The following CSMD2 variants were observed in gnomAD, a reference collection of about 807,000 sequenced individuals.
The protein encoded by CSMD2 is CUB and sushi domain-containing protein 2.
In CSMD2, 130 loss-of-function variants were observed where a neutral mutation model predicts 398.5. The observed-to-expected ratio is 0.33, with a 90% CI of 0.28 to 0.38. The LOEUF is 0.38. Among genes scored for constraint, CSMD2 ranks in the 10% least tolerant of loss-of-function variants. The pLI is 1.00. For synonymous variants in CSMD2, 1,828 were observed against 1,908.5 expected, an observed-to-expected ratio of 0.96 and a Z score of 1.10; for missense variants, 3,829 against 4,764.9, an observed-to-expected ratio of 0.80 and a Z score of 5.78.
intron 10 of CSMD2, among the ~76,000 whole-genome samples, chr1:33,798,843 G>A (rs981428081): frequency 2.6e-5 from 4 of 152,180 alleles, no homozygotes; most frequent in South Asian, 2.1e-4. Flanking sequence ...CCCTTGCCAC[G>A]TGCTGTCCAG....
At chr1:34,158,415 A>G (rs1006656677) in intron 1 of CSMD2, among the ~76,000 whole-genome samples, 1 of 152,184 alleles carries the variant, frequency 6.6e-6, no homozygotes, top group African/African-American at 2.4e-5. Context: ...CCAAGGAGAT[A>G]AATCCAGGGA....
At chr1:33,760,659 C>A (rs1649709217) in intron 13 of CSMD2, among the ~76,000 whole-genome samples, 1 of 152,158 alleles carries the variant, frequency 6.6e-6, no homozygotes, top group African/African-American at 2.4e-5. Context: ...TTAATAACTT[C>A]TAAATTACAG....
intron 5 of CSMD2, among the ~76,000 whole-genome samples, chr1:33,856,147 C>A (rs1382418440): frequency 6.6e-6 from 1 of 152,216 alleles, no homozygotes; most frequent in Non-Finnish European, 1.5e-5. Context: ...CAAATGTGAA[C>A]TATTTTCCCC....
intron 5 of CSMD2, chr1:33,864,512 C>T: frequency 6.2e-7 from 1 of 1,614,124 alleles, no homozygotes; most frequent in Non-Finnish European, 8.5e-7. Flanking sequence ...GCCAAGACCA[C>T]TATGCTCAGC....
chr1:33,976,232 T>C (rs118037986), intron 3 of CSMD2, among the ~76,000 whole-genome samples: 2,091 of 152,268 alleles, frequency 0.014, 86 homozygotes, highest in East Asian at 0.13. Context: ...CCAAGGGCTG[T>C]GACCAGGGCC....
intron 27 of CSMD2, among the ~76,000 whole-genome samples, chr1:33,653,546 G>A (rs1331703157): frequency 6.6e-6 from 1 of 152,142 alleles, no homozygotes; most frequent in Non-Finnish European, 1.5e-5. Context: ...ATCAGTCTAC[G>A]TGGTCGCCCT....
intron 58 of CSMD2, among the ~76,000 whole-genome samples, chr1:33,541,548 C>G (rs1656342000): frequency 6.6e-6 from 1 of 152,170 alleles, no homozygotes; most frequent in Non-Finnish European, 1.5e-5. Context: ...CTCACTGCAG[C>G]CTCGAACTCC....
intron 1 of CSMD2, among the ~76,000 whole-genome samples, chr1:34,100,507 G>A (rs1659835053): frequency 6.6e-6 from 1 of 152,174 alleles, no homozygotes. Flanking sequence ...ATATGAATGT[G>A]TAATATTCCA....
chr1:33,733,066 C>T (rs1047846465), intron 15 of CSMD2, among the ~76,000 whole-genome samples: 1 of 152,208 alleles, frequency 6.6e-6, no homozygotes, highest in Non-Finnish European at 1.5e-5. Context: ...TTTAACCACT[C>T]TGGGTGGACG....
chr1:34,050,433 TA>T (rs1238990394), intron 2 of CSMD2, among the ~76,000 whole-genome samples: 3 of 152,196 alleles, frequency 2.0e-5, no homozygotes, highest in African/African-American at 7.2e-5. Context: ...AAACTCACTT[TA>T]TAGCCAAAGA....
chr1:33,986,674 G>T (rs1043797452), intron 3 of CSMD2, among the ~76,000 whole-genome samples: 6 of 152,182 alleles, frequency 3.9e-5, no homozygotes, highest in Admixed American at 1.3e-4. Context: ...GTCCTTCCAA[G>T]TCTGCTCTCC....
chr1:34,014,606 G>T (rs755595986), intron 3 of CSMD2, among the ~76,000 whole-genome samples: 1 of 152,232 alleles, frequency 6.6e-6, no homozygotes, highest in South Asian at 2.1e-4. Context: ...CGACCACTGT[G>T]CCCTAAGCGC....
Position 33,550,355 on chromosome 1 carries a change from G to A in CSMD2, c.8744-5C>T, listed in dbSNP as rs752699426. On this transcript the variant is annotated splice_polypyrimidine_tract_variant and splice_region_variant and intron_variant, in intron 55 of 70. Transcript: ENST00000373381. ...CCGGATGGCCACAGGACACCACTGT[G>A]GGGGAAAAGCAAACATCTCAATGAC... The A allele has an allele frequency of 7.4e-6, 12 of 1,612,104 alleles. No homozygotes were observed. Among genetic ancestry groups the A allele is most frequent in the Non-Finnish European group, 1.0e-5 (12 of 1,178,394 alleles).
chr1:33,788,738 T>C (rs1350250984), intron 11 of CSMD2, 26 bp from the exon 12 acceptor site: 2 of 1,364,284 alleles, frequency 1.5e-6, no homozygotes, highest in Middle Eastern at 1.8e-4. Flanking sequence ...TATTTAGAGG[T>C]GTGCTCTCCA....
At chr1:33,668,760 G>C (rs1644394964) in intron 25 of CSMD2, among the ~76,000 whole-genome samples, 1 of 152,184 alleles carries the variant, frequency 6.6e-6, no homozygotes, top group Non-Finnish European at 1.5e-5. Flanking sequence ...TTGCTTGTCT[G>C]TGTGTGCGTT....
At chr1:33,655,710 C>G (rs1354950972) in intron 27 of CSMD2, among the ~76,000 whole-genome samples, 1 of 152,222 alleles carries the variant, frequency 6.6e-6, no homozygotes, top group African/African-American at 2.4e-5. Flanking sequence ...TCAGGGCCAG[C>G]TAGACCCGCT....
intron 1 of CSMD2, among the ~76,000 whole-genome samples, chr1:34,090,498 G>T (rs1451052597): frequency 6.6e-6 from 1 of 151,976 alleles, no homozygotes; most frequent in Admixed American, 6.5e-5. Flanking sequence ...CACCCCTTTG[G>T]GATGCTCTCG....
chr1:33,741,962 A>C (rs894568429), intron 14 of CSMD2, among the ~76,000 whole-genome samples: 2 of 152,216 alleles, frequency 1.3e-5, no homozygotes, highest in Non-Finnish European at 2.9e-5. Flanking sequence ...CCATTCCGTA[A>C]ACATTTGCTG....
chr1:33,800,591 G>C (rs1655474949), intron 10 of CSMD2, among the ~76,000 whole-genome samples: 1 of 152,176 alleles, frequency 6.6e-6, no homozygotes, highest in South Asian at 2.1e-4. Flanking sequence ...TAAGTTTCTA[G>C]AAAGCTTCAC....
Sources: allele counts gnomAD v4.1 joint callset (sites outside exome capture counted in the v4.1 genomes callset), GRCh38; gene constraint gnomAD v4.1.1; transcripts MANE v1.5; gene names NCBI Gene and HGNC (gene_info 2026-07-23, HGNC 2026-07-21).